The following MBD5 variants were observed in gnomAD, a reference collection of about 807,000 sequenced individuals.
MBD5 encodes the protein methyl-CpG binding domain protein 5, also known as methyl-CpG-binding domain protein 5.
MBD5 carries 13 observed loss-of-function variants against 117.3 expected under a neutral mutation model. The ratio of observed to expected loss-of-function variants is 0.11; its 90% CI spans 0.07 to 0.18. The LOEUF (loss-of-function observed/expected upper bound fraction) is 0.18, where lower values mean the gene tolerates loss of function less well. Ranked by LOEUF, MBD5 falls within the 10% of genes least tolerant of loss-of-function variation. The probability of loss-of-function intolerance (pLI) is 1.00; values close to 1 mark genes in which losing one functional copy is unlikely to be tolerated. For missense variants in MBD5, 1,879 were observed against 2,093.8 expected (o/e 0.90, Z 2.00); for synonymous variants, 727 against 766.4 (o/e 0.95, Z 0.85).
At chr2:148,359,439 C>T (rs977756146) in intron 4 of MBD5, among the ~76,000 whole-genome samples, 17 of 152,012 alleles carry the variant, frequency 1.1e-4, no homozygotes, top group Non-Finnish European at 7.4e-5. Context: ...AGAATATCTC[C>T]ATAACTATAG....
intron 4 of MBD5, among the ~76,000 whole-genome samples, chr2:148,440,432 A>G (rs1419347682): frequency 1.3e-5 from 2 of 152,226 alleles, no homozygotes; most frequent in African/African-American, 4.8e-5. Flanking sequence ...CTGAAAATAA[A>G]ATAAGAAAAG....
At chr2:148,460,853 C>G (rs575342706) in intron 5 of MBD5, among the ~76,000 whole-genome samples, 1 of 152,264 alleles carries the variant, frequency 6.6e-6, no homozygotes, top group South Asian at 2.1e-4. Context: ...CATATACTTT[C>G]TTCTAAGTTA....
chr2:148,122,502 A>T (rs965588925), intron 1 of MBD5, among the ~76,000 whole-genome samples: 1 of 152,198 alleles, frequency 6.6e-6, no homozygotes, highest in African/African-American at 2.4e-5. Context: ...GAGGTACATG[A>T]TATGTTTTAG....
intron 1 of MBD5, among the ~76,000 whole-genome samples, chr2:148,084,388 T>C (rs907471650): frequency 1.3e-5 from 2 of 152,228 alleles, no homozygotes; most frequent in Non-Finnish European, 2.9e-5. Context: ...TAAAACAATT[T>C]TGACAGACCT....
At chr2:148,287,404 A>G (rs1403902231) in intron 3 of MBD5, among the ~76,000 whole-genome samples, 1 of 152,214 alleles carries the variant, frequency 6.6e-6, no homozygotes, top group Non-Finnish European at 1.5e-5. Context: ...TTTAGTGTTG[A>G]GTAGGGAAGG....
chr2:148,313,117 G>A (rs1702072413), intron 3 of MBD5, among the ~76,000 whole-genome samples: 1 of 152,188 alleles, frequency 6.6e-6, no homozygotes, highest in South Asian at 2.1e-4. Flanking sequence ...TCCCAGTCAG[G>A]AGGCACGGGG....
chr2:148,124,676 T>G (rs971994615), intron 1 of MBD5, among the ~76,000 whole-genome samples: 6 of 152,226 alleles, frequency 3.9e-5, no homozygotes, highest in African/African-American at 1.4e-4. Context: ...GTTAGATTTT[T>G]TCTGCATATT....
At chr2:148,446,785 C>G (rs980549177) in intron 4 of MBD5, among the ~76,000 whole-genome samples, 3 of 151,946 alleles carry the variant, frequency 2.0e-5, no homozygotes, top group Admixed American at 6.6e-5. Flanking sequence ...TTTACCCAGG[C>G]TGAGGAAGAG....
chr2:148,216,405 C>T (rs1178136322), intron 2 of MBD5, among the ~76,000 whole-genome samples: 1 of 152,124 alleles, frequency 6.6e-6, no homozygotes, highest in Non-Finnish European at 1.5e-5. Context: ...CTCCAGAAAG[C>T]AGTGCATTTA....
chr2:148,388,655 G>A (rs1704453806), intron 4 of MBD5, among the ~76,000 whole-genome samples: 1 of 152,130 alleles, frequency 6.6e-6, no homozygotes, highest in Non-Finnish European at 1.5e-5. Flanking sequence ...GGTGCTGGCA[G>A]GTTTAGTTTC....
chr2:148,219,565 A>G (rs1440944208), intron 2 of MBD5, among the ~76,000 whole-genome samples: 1 of 152,214 alleles, frequency 6.6e-6, no homozygotes, highest in African/African-American at 2.4e-5. Context: ...TTGTAAGGTT[A>G]GTGTATGTAA....
At chr2:148,352,300 T>G (rs1703267278) in intron 4 of MBD5, among the ~76,000 whole-genome samples, 1 of 152,074 alleles carries the variant, frequency 6.6e-6, no homozygotes, top group African/African-American at 2.4e-5. Flanking sequence ...TTTTTCCAAA[T>G]TAAACTTTTT....
intron 3 of MBD5, among the ~76,000 whole-genome samples, chr2:148,288,974 GTAT>G (rs1446761029): frequency 1.3e-5 from 2 of 152,040 alleles, no homozygotes; most frequent in Non-Finnish European, 2.9e-5. Flanking sequence ...TCATTTTTCT[GTAT>G]TATATCTTTG....
chr2:148,130,382 A>G (rs1162141540), intron 1 of MBD5, among the ~76,000 whole-genome samples: 1 of 152,162 alleles, frequency 6.6e-6, no homozygotes, highest in Admixed American at 6.6e-5. Context: ...ATGGTACAGC[A>G]AATGATGAAC....
intron 1 of MBD5, among the ~76,000 whole-genome samples, chr2:148,124,444 A>G (rs576796282): frequency 5.9e-4 from 90 of 152,212 alleles, no homozygotes; most frequent in African/African-American, 2.1e-3. Context: ...CGGGCATGGT[A>G]GCACATGCCT....
intron 1 of MBD5, among the ~76,000 whole-genome samples, chr2:148,080,108 C>T (rs2105150676): frequency 6.6e-6 from 1 of 152,146 alleles, no homozygotes; most frequent in Middle Eastern, 3.4e-3. Context: ...TCTTATTGTG[C>T]AAAGGAAGTT....
At chr2:148,502,365 A>C in intron 11 of MBD5, 71 bp from the exon 12 acceptor site, 1 of 1,424,152 alleles carries the variant, frequency 7.0e-7, no homozygotes. Context: ...CTTGTACGGC[A>C]GGAAAGTAAA....
intron 12 of MBD5, among the ~76,000 whole-genome samples, chr2:148,503,874 C>T (rs934238133): frequency 6.6e-6 from 1 of 152,164 alleles, no homozygotes; most frequent in Non-Finnish European, 1.5e-5. Context: ...TTGCAGTGGG[C>T]CAGTTGCTGT....
At chr2:148,028,538 A>G (rs941802502) in intron 1 of MBD5, 2 of 152,078 alleles carry the variant, frequency 1.3e-5, no homozygotes, top group African/African-American at 4.8e-5. Flanking sequence ...AGAAGTATCT[A>G]CTAATCTGTT....
Sources: allele counts gnomAD v4.1 joint callset (sites outside exome capture counted in the v4.1 genomes callset), GRCh38; gene constraint gnomAD v4.1.1; transcripts MANE v1.5; gene names NCBI Gene and HGNC (gene_info 2026-07-23, HGNC 2026-07-21).